Variants in ACTA2 observed in about 807,000 individuals in gnomAD.
ACTA2 encodes actin alpha 2, smooth muscle, also known as actin, aortic smooth muscle.
A neutral mutation model predicts 39.5 loss-of-function variants in ACTA2; 12 were observed. That is an observed-to-expected ratio of 0.30 (90% CI 0.19 to 0.49). ACTA2 has a LOEUF of 0.49. Among genes scored for constraint, ACTA2 ranks in the 20% least tolerant of loss-of-function variants. The probability of loss-of-function intolerance (pLI) is 0.99; values close to 1 mark genes in which losing one functional copy is unlikely to be tolerated. For synonymous variants in ACTA2, 158 were observed against 180.6 expected (o/e 0.88, Z 1.00); for missense variants, 236 against 498.8 (o/e 0.47, Z 5.02).
intron 6 of ACTA2, chr10:88,939,963 C>A: frequency 2.0e-6 from 1 of 508,582 alleles, no homozygotes; most frequent in East Asian, 3.7e-5. Context: ...AATGAGCTAG[C>A]TAGAGAAAGG....
At chr10:88,988,518 A>T (rs1468041503) in intron 1 of ACTA2, among the ~76,000 whole-genome samples, 9 of 149,638 alleles carry the variant, frequency 6.0e-5, no homozygotes. Context: ...AGAAACCAGG[A>T]TATCTTTTGA....
chr10:88,965,251 G>A (rs1339395404), intron 1 of ACTA2, among the ~76,000 whole-genome samples: 1 of 151,748 alleles, frequency 6.6e-6, no homozygotes, highest in Non-Finnish European at 1.5e-5. Flanking sequence ...GGCAGCCAGT[G>A]TGTTCATTTT....
At chr10:88,943,652 C>G in intron 4 of ACTA2, 145 bp downstream of exon 4, 1 of 736,238 alleles carries the variant, frequency 1.4e-6, no homozygotes, top group Non-Finnish European at 2.4e-6. Flanking sequence ...TGTTCCTGTC[C>G]TTTGGGATCC....
chr10:88,989,643 T>C, intron 1 of ACTA2: 1 of 505,358 alleles, frequency 2.0e-6, no homozygotes, highest in South Asian at 1.5e-5. Flanking sequence ...TAACCTAACC[T>C]AGATTTGAGG....
At chr10:88,952,882 C>T (rs1846075349), upstream of ACTA2, 1 of 152,474 alleles carries the variant, frequency 6.6e-6, no homozygotes. Flanking sequence ...CAGTCTAACA[C>T]AACCATATAG....
chr10:88,960,888 G>A (rs1846216809), intron 1 of ACTA2, among the ~76,000 whole-genome samples: 1 of 152,192 alleles, frequency 6.6e-6, no homozygotes, highest in South Asian at 2.1e-4. Flanking sequence ...GAAAGTCTCT[G>A]TTCTCTGGAT....
At chr10:88,937,642 G>A (rs866102163) in intron 8 of ACTA2, among the ~76,000 whole-genome samples, 20 of 152,176 alleles carry the variant, frequency 1.3e-4, no homozygotes, top group African/African-American at 4.8e-4. Context: ...TGGAGGAAGA[G>A]TATAAGCTCC....
intron 1 of ACTA2, among the ~76,000 whole-genome samples, chr10:88,961,834 A>G (rs554036127): frequency 6.6e-6 from 1 of 152,298 alleles, no homozygotes; most frequent in African/African-American, 2.4e-5. Context: ...ACTAGGCTTT[A>G]TTATTCAGTG....
chr10:88,937,975 A>G lies in ACTA2; in HGVS notation c.990+86T>C, dbSNP rs925110693. ...AAAACCCACAATTGCATGTCACCAA[A>G]ATACAGTCTCTGAAGAGTTCTTATC... is the stretch of plus-strand genomic sequence containing the variant. On this transcript the variant is annotated intron_variant, in intron 8 of 8. Coordinates refer to ENST00000224784, the MANE Select transcript of ACTA2 (RefSeq NM_001613.4). 4 of 1,527,134 alleles carry G rather than the reference A, an allele frequency of 2.6e-6. No homozygotes were observed. In the African/African-American group the frequency reaches 5.5e-5, roughly 21 times the overall value. The allele number at this position is 1,527,134 out of a possible 1,614,324, so 94.6% of individuals were successfully genotyped here. A position where few individuals can be genotyped will look rare whatever the true frequency, so the allele number is the denominator to read the frequency against.
At chr10:88,978,998 C>T (rs1846642808) in intron 1 of ACTA2, among the ~76,000 whole-genome samples, 1 of 151,850 alleles carries the variant, frequency 6.6e-6, no homozygotes, top group African/African-American at 2.4e-5. Flanking sequence ...CTTTCATCCT[C>T]CTAATAAGCA....
rs374949797 is a variant in ACTA2 at position 88,940,167 on chromosome 10, C to T, written c.617-469G>A. ...AAGTCTGAGATCCTGTTGCCTGGGCCAGTGGATAGCAGGTTAAACCTTTGG... is the reference window on the plus strand; with the variant it reads ...AAGTCTGAGATCCTGTTGCCTGGGCTAGTGGATAGCAGGTTAAACCTTTGG... On this transcript the variant is annotated intron_variant, in intron 6 of 8. Coordinates refer to ENST00000224784, the MANE Select transcript of ACTA2 (RefSeq NM_001613.4). 7.4e-5 allele frequency: 18 copies of T among 242,148 alleles called. No individual in the cohort carries two copies. In the East Asian group the frequency reaches 8.4e-4, roughly 11 times the overall value. The allele number at this position is 242,148 out of a possible 1,614,324, so 15.0% of individuals were successfully genotyped here. A position where few individuals can be genotyped will look rare whatever the true frequency, so the allele number is the denominator to read the frequency against.
chr10:88,969,172 A>G (rs1365967568), intron 1 of ACTA2, among the ~76,000 whole-genome samples: 1 of 152,208 alleles, frequency 6.6e-6, no homozygotes, highest in Non-Finnish European at 1.5e-5. Context: ...TATAATCTTA[A>G]GCAGTGAGAA....
intron 1 of ACTA2, chr10:88,975,136 A>G (rs1286299396): frequency 6.8e-6 from 1 of 147,544 alleles, no homozygotes; most frequent in Admixed American, 6.8e-5. Flanking sequence ...AAGTGAAACC[A>G]GAATGCTGTC....
At position 88,941,798 on chromosome 10, in the gene ACTA2, A is replaced by G; in HGVS notation, c.441T>C (p.Ser147=). Residue 147 remains serine, a synonymous_variant, in exon 5 of 9, where the codon TCT becomes TCC. Coordinates refer to ENST00000224784, the MANE Select transcript of ACTA2 (RefSeq NM_001613.4). ...CCAGCCACCTACCAGTTGTGCGTCC[A>G]GAGGCATAGAGAGACAGCACCGCCT... The part of the protein sequence containing the change: ...AIQAVLSLYA[S]GRTTGIVLDS... 6.2e-7 allele frequency: 1 copy of G among 1,612,418 alleles called. No individual in the cohort carries two copies. The highest frequency in any genetic ancestry group is 1.1e-5 in the South Asian group (1 of 90,642).
rs1254391024 is a variant in ACTA2 at position 88,935,431 on chromosome 10, GGACAGA to G, written c.991-71_991-66del. On this transcript the variant is annotated intron_variant, in intron 8 of 8. Transcript: ENST00000224784. ...CATTAGTGCAGTCGTTAGTGCGGTA[GGACAGA>G]GCCTGGATGTTCTACCATGGCCTAG... The G allele has an allele frequency of 3.2e-6, 5 of 1,576,744 alleles. No homozygotes were observed. The East Asian group carries it at 9.0e-5, about 28-fold the overall frequency.
Position 88,990,953 on chromosome 10 carries a change from G to C in ACTA2, c.-38C>G. Reference sequence around the variant, plus strand: ...TGGAGGCTTACCCCGTCTTAGTCCCGGGGATAGGCAAAGTGGGGCGGGCGC... The same window carrying C: ...TGGAGGCTTACCCCGTCTTAGTCCCCGGGATAGGCAAAGTGGGGCGGGCGC... On this transcript the variant is annotated 5_prime_UTR_variant, in exon 1 of 5. Coordinates refer to the ACTA2 transcript ENST00000415557. This position sits in a 1 kb window ranked among gnomAD's most constrained non-coding sequence, Gnocchi z 4.9. 1 of 1,613,632 alleles carries C rather than the reference G, an allele frequency of 6.2e-7. No homozygotes were observed. The highest frequency in any genetic ancestry group is 8.5e-7 in the Non-Finnish European group (1 of 1,179,594).
intron 1 of ACTA2, among the ~76,000 whole-genome samples, chr10:88,965,806 CT>C (rs1846309069): frequency 6.6e-6 from 1 of 152,154 alleles, no homozygotes; most frequent in African/African-American, 2.4e-5. Flanking sequence ...TGATCCACTG[CT>C]GGTTTGGGCT....
At chr10:88,941,027 T>C (rs1010129021) in intron 6 of ACTA2, 2 of 641,446 alleles carry the variant, frequency 3.1e-6, no homozygotes, top group African/African-American at 1.8e-5. Flanking sequence ...TGGGTGTCTA[T>C]AACTGTTCTC....
At chr10:88,935,716 A>G (rs1057306789) in intron 8 of ACTA2, 1 of 335,684 alleles carries the variant, frequency 3.0e-6, no homozygotes, top group Non-Finnish European at 5.8e-6. Context: ...TCAGAATTCA[A>G]CACGATACAC....
Sources: gnomAD v4.1 joint callset for allele counts (sites outside exome capture counted in the v4.1 genomes callset) on GRCh38, gnomAD v4.1.1 for gene constraint, Gnocchi (gnomAD v3.1) non-coding constraint, MANE v1.5 for transcripts, NCBI Gene and HGNC (gene_info 2026-07-23, HGNC 2026-07-21) for gene names.